The following CCSER2 variants were observed in gnomAD, a reference collection of about 807,000 sequenced individuals.
The protein encoded by CCSER2 is serine-rich coiled-coil domain-containing protein 2.
A neutral mutation model predicts 92.3 loss-of-function variants in CCSER2; 46 were observed. The observed-to-expected ratio is 0.50, with a 90% CI of 0.39 to 0.64. The LOEUF (loss-of-function observed/expected upper bound fraction) is 0.64. CCSER2 is among the 30% of genes least tolerant of loss of function. The pLI is 0.00. For missense variants in CCSER2, 1,244 were observed against 1,238.9 expected (o/e 1.00, Z -0.06); for synonymous variants, 433 against 431.4 (o/e 1.00, Z -0.04).
Position 84,501,834 on chromosome 10 carries a change from A to ATAT in CCSER2, c.2326-11615_2326-11614insTAT, listed in dbSNP as rs1554868294. 7.5e-4 allele frequency among the ~76,000 whole-genome samples: 30 copies of ATAT among 40,174 alleles called. 2 individuals carry two copies. The highest frequency in any genetic ancestry group is 4.8e-3 in the East Asian group (6 of 1,250). 26.4% of individuals were successfully genotyped at this position (40,174 alleles called of 152,430 possible). On this transcript the variant is annotated intron_variant, in intron 9 of 9. Transcript: ENST00000372088. ...TTAGTCATCTAGGGAAAAAAAAAAA[A>ATAT]ATATATATATATATATATATATATA...
chr10:84,504,075 C>T (rs1049306492), intron 9 of CCSER2, among the ~76,000 whole-genome samples: 5 of 152,140 alleles, frequency 3.3e-5, no homozygotes, highest in Non-Finnish European at 7.4e-5. Context: ...ATAAAAGATT[C>T]ATGGGACAAT....
Position 84,513,595 on chromosome 10 carries a change from T to C in CCSER2, c.2472T>C (p.Phe824=). 1 of 1,613,410 alleles carries C rather than the reference T, an allele frequency of 6.2e-7. No individual in the cohort carries two copies. Among genetic ancestry groups the C allele is most frequent in the Non-Finnish European group, 8.5e-7 (1 of 1,179,848 alleles). ...GCGGTGCACATCCGGAAGAAAGCTT[T>C]ACACACGTCTTGCACCAAGAAAGCA... The part of the protein sequence containing the change: ...HQGGAHPEES[F]THVLHQESNY... Residue 824 remains phenylalanine, a synonymous_variant, in exon 10 of 10, where the codon TTT becomes TTC. Coordinates refer to ENST00000372088, the MANE Select transcript of CCSER2 (RefSeq NM_001284240.2).
In CCSER2 at chr10:84,470,240, A is replaced by AT. The variant is rs757653289; in HGVS notation, c.2149-123dup. The AT allele has an allele frequency of 5.4e-4, 238 of 437,584 alleles. 1 individual carries two copies. The highest frequency in any genetic ancestry group is 9.4e-4 in the South Asian group (17 of 18,148). The allele number at this position is 437,584 out of a possible 1,614,324, so 27.1% of individuals were successfully genotyped here. On this transcript the variant is annotated intron_variant, in intron 7 of 9. Coordinates refer to ENST00000372088, the MANE Select transcript of CCSER2 (RefSeq NM_001284240.2). ...ACTTCATTACCGGATGAAATCTTAG[A>AT]TTTTTTTTTAATAGAGGATTTCCCC...
intron 9 of CCSER2, among the ~76,000 whole-genome samples, chr10:84,496,820 A>G (rs1002787215): frequency 6.6e-6 from 1 of 151,990 alleles, no homozygotes; most frequent in Non-Finnish European, 1.5e-5. Flanking sequence ...GAAAATCACC[A>G]TATTTTTCCT....
intron 9 of CCSER2, among the ~76,000 whole-genome samples, chr10:84,490,263 T>A (rs1476450204): frequency 6.6e-6 from 1 of 152,222 alleles, no homozygotes; most frequent in African/African-American, 2.4e-5. Context: ...GTTCTCTGTA[T>A]TTCCTGAATT....
chr10:84,355,444 G>A (rs1432773450), intron 1 of CCSER2, among the ~76,000 whole-genome samples: 13 of 152,084 alleles, frequency 8.5e-5, no homozygotes, highest in Non-Finnish European at 1.9e-4. Flanking sequence ...TTGAAACTCA[G>A]CTCAAGCATT....
At chr10:84,425,692 T>G in intron 4 of CCSER2, 39 bp from the exon 5 acceptor site, 1 of 1,458,364 alleles carries the variant, frequency 6.9e-7, no homozygotes, top group Non-Finnish European at 9.2e-7. Flanking sequence ...TTATGGAGTA[T>G]GTACATGTTT....
intron 9 of CCSER2, among the ~76,000 whole-genome samples, chr10:84,488,277 C>T (rs779180620): frequency 6.6e-6 from 1 of 152,144 alleles, no homozygotes; most frequent in Admixed American, 6.5e-5. Context: ...GGAGGGTTCC[C>T]TCTTTTTCTA....
At chr10:84,411,922 T>G (rs1393952344) in intron 3 of CCSER2, among the ~76,000 whole-genome samples, 1 of 152,222 alleles carries the variant, frequency 6.6e-6, no homozygotes, top group East Asian at 1.9e-4. Context: ...TTTTGCCCTT[T>G]CAGTATGATA....
At chr10:84,417,898 A>G in intron 4 of CCSER2, 37 bp downstream of exon 4, 2 of 1,000,642 alleles carry the variant, frequency 2.0e-6, no homozygotes, top group Non-Finnish European at 3.2e-6. Flanking sequence ...AGAGGTATAT[A>G]CTTGAGCTAC....
chr10:84,427,454 T>C lies in CCSER2; in HGVS notation c.1868+1561T>C, dbSNP rs7924100. On this transcript the variant is annotated intron_variant, in intron 5 of 9. Coordinates refer to ENST00000372088, the MANE Select transcript of CCSER2 (RefSeq NM_001284240.2). ...TAATATTAGAAAGGTTTGGGTATAC[T>C]AGCCCCAGGGCCTTTTCAATATTGC... is the stretch of plus-strand genomic sequence containing the variant. 2.0e-3 allele frequency among the ~76,000 whole-genome samples: 305 copies of C among 152,352 alleles called. 3 individuals are homozygous for C. The highest frequency in any genetic ancestry group is 7.0e-3 in the African/African-American group (293 of 41,578).
intron 9 of CCSER2, among the ~76,000 whole-genome samples, chr10:84,478,834 G>A (rs1469815582): frequency 6.6e-6 from 1 of 152,172 alleles, no homozygotes; most frequent in African/African-American, 2.4e-5. Context: ...GAAAATGAAG[G>A]TTGTGTTTGA....
chr10:84,489,109 T>C (rs184322160), intron 9 of CCSER2, among the ~76,000 whole-genome samples: 1 of 152,336 alleles, frequency 6.6e-6, no homozygotes, highest in East Asian at 1.9e-4. Context: ...AGAGACTGTT[T>C]GTTATAGTTT....
intron 7 of CCSER2, among the ~76,000 whole-genome samples, chr10:84,465,290 T>TGTGTGTGA (rs1163509232): frequency 5.0e-5 from 5 of 100,660 alleles, no homozygotes; most frequent in Non-Finnish European, 8.1e-5. Context: ...TGTGTGTGTG[T>TGTGTGTGA]GAAAAAGTTT....
At position 84,517,299 on chromosome 10, in the gene CCSER2, T is replaced by C. The variant is rs897783576; in HGVS notation, c.*3032T>C. On this transcript the variant is annotated 3_prime_UTR_variant, in exon 10 of 10. Transcript: ENST00000372088. ...AAGAAGGCTTGGCCTAAGGAGTTTA[T>C]TGGTACAGGTGCAGATGATTTTAAG... The C allele has an allele frequency of 9.2e-5, 14 of 152,632 alleles. No individual in the cohort carries two copies. Among genetic ancestry groups the C allele is most frequent in the African/African-American group, 2.7e-4 (11 of 41,460 alleles). 9.5% of individuals were successfully genotyped at this position (152,632 alleles called of 1,614,324 possible).
At chr10:84,391,707 T>C (rs1228417454) in intron 3 of CCSER2, 3 of 1,514,388 alleles carry the variant, frequency 2.0e-6, no homozygotes, top group African/African-American at 2.7e-5. Context: ...ATTGGTCGTC[T>C]TGGTTACGTG....
At chr10:84,409,278 A>G (rs1019378074) in intron 3 of CCSER2, among the ~76,000 whole-genome samples, 1 of 151,684 alleles carries the variant, frequency 6.6e-6, no homozygotes, top group African/African-American at 2.4e-5. Flanking sequence ...GGCATGAGCC[A>G]CCGCGCCTGG....
intron 6 of CCSER2, among the ~76,000 whole-genome samples, chr10:84,457,222 T>A (rs1845682238): frequency 9.2e-6 from 1 of 108,890 alleles, no homozygotes; most frequent in Admixed American, 1.5e-4. Context: ...ATATTACATA[T>A]TATATATAAA....
chr10:84,421,595 G>A (rs528477035), intron 4 of CCSER2, among the ~76,000 whole-genome samples: 1 of 152,256 alleles, frequency 6.6e-6, no homozygotes, highest in East Asian at 1.9e-4. Context: ...CTTTACACAT[G>A]GGGATTATTG....
Sources: allele counts gnomAD v4.1 joint callset (sites outside exome capture counted in the v4.1 genomes callset), GRCh38; gene constraint gnomAD v4.1.1; transcripts MANE v1.5; gene names NCBI Gene and HGNC (gene_info 2026-07-23, HGNC 2026-07-21).